LINGO2: variants seen among roughly 807,000 people sequenced by gnomAD.
LINGO2 encodes the protein leucine rich repeat and Ig domain containing 2, also known as leucine-rich repeat and immunoglobulin-like domain-containing nogo receptor-interacting protein 2.
Under a neutral mutation model 30.6 loss-of-function variants are expected in LINGO2, and 14 were observed. The observed-to-expected ratio is 0.46, with a 90% confidence interval of 0.30 to 0.72. LINGO2 has a LOEUF of 0.72. Ranked by LOEUF, LINGO2 falls within the 30% of genes least tolerant of loss-of-function variation. The pLI is 0.07. For missense variants in LINGO2, 729 were observed against 751.7 expected (o/e 0.97, Z 0.35); for synonymous variants, 317 against 288.5 (o/e 1.10, Z -1.00).
intron 1 of LINGO2, among the ~76,000 whole-genome samples, chr9:28,506,721 C>T (rs1474855881): frequency 6.6e-6 from 1 of 151,038 alleles, no homozygotes; most frequent in Non-Finnish European, 1.5e-5. Flanking sequence ...CAGAAAATGT[C>T]TTTGCTCACA....
the LINGO2 span, among the ~76,000 whole-genome samples, chr9:28,708,885 C>G: frequency 0.14 from 21,222 of 151,970 alleles, 1,729 homozygotes; most frequent in Admixed American, 0.27. Context: ...TGACCCTAGA[C>G]CTGATCTATA....
intron 4 of LINGO2, among the ~76,000 whole-genome samples, chr9:28,256,058 A>G (rs1822373595): frequency 6.6e-6 from 1 of 152,046 alleles, no homozygotes; most frequent in African/African-American, 2.4e-5. Flanking sequence ...CAGATCTTTG[A>G]TTAGATTCTC....
At chr9:28,714,188 T>TATATATATATATATATATATATAA in the LINGO2 span, among the ~76,000 whole-genome samples, 1 of 73,366 alleles carries the variant, frequency 1.4e-5, no homozygotes, top group Non-Finnish European at 2.5e-5. Flanking sequence ...TATATATATA[T>TATATATATATATATATATATATAA]ACACACATAC....
chr9:28,390,574 GA>G (rs74180802), intron 2 of LINGO2, among the ~76,000 whole-genome samples: 37 of 145,160 alleles, frequency 2.5e-4, no homozygotes, highest in Admixed American at 1.0e-3. Context: ...ATACATAAAT[GA>G]AAAAAAAAAA....
chr9:28,097,390 G>A (rs959232916), intron 4 of LINGO2, among the ~76,000 whole-genome samples: 1 of 148,952 alleles, frequency 6.7e-6, no homozygotes, highest in Non-Finnish European at 1.5e-5. Context: ...GCACACGTAT[G>A]TTTATTGCGG....
chr9:28,095,951 G>A lies in LINGO2; in HGVS notation c.-86-83546C>T, dbSNP rs530527444. On this transcript the variant is annotated intron_variant, in intron 4 of 5. Coordinates refer to ENST00000379992, the Ensembl canonical transcript of LINGO2. ...AGACATTTATTCAAGATCAGCCTGGGCAACATAATGAGATCCCATCTCTAC... is the reference window on the plus strand; with the variant it reads ...AGACATTTATTCAAGATCAGCCTGGACAACATAATGAGATCCCATCTCTAC... Among the ~76,000 whole-genome samples the A allele has an allele frequency of 2.0e-5, 3 of 152,184 alleles. No individual in the cohort carries two copies. In the East Asian group the frequency reaches 5.8e-4, roughly 30 times the overall value.
chr9:28,992,900 C>A, the LINGO2 span, among the ~76,000 whole-genome samples: 8 of 151,806 alleles, frequency 5.3e-5, no homozygotes, highest in Non-Finnish European at 1.0e-4. Context: ...TAAATGCCCA[C>A]AAGAGTAAGC....
At chr9:29,093,426 T>C in the LINGO2 span, among the ~76,000 whole-genome samples, 1 of 134,128 alleles carries the variant, frequency 7.5e-6, no homozygotes, top group Non-Finnish European at 1.6e-5. Context: ...AAGATATATA[T>C]AACATTTGTA....
At chr9:28,120,987 A>AT (rs1213595790) in intron 4 of LINGO2, among the ~76,000 whole-genome samples, 3 of 152,214 alleles carry the variant, frequency 2.0e-5, no homozygotes, top group African/African-American at 7.2e-5. Context: ...CATCTGTTAC[A>AT]TATTGATTTA....
At chr9:28,792,786 G>T in the LINGO2 span, among the ~76,000 whole-genome samples, 1 of 152,048 alleles carries the variant, frequency 6.6e-6, no homozygotes, top group Non-Finnish European at 1.5e-5. Context: ...GATTTTGAGT[G>T]GCAGAAAACA....
At chr9:28,949,078 T>A in the LINGO2 span, among the ~76,000 whole-genome samples, 1 of 152,102 alleles carries the variant, frequency 6.6e-6, no homozygotes, top group Non-Finnish European at 1.5e-5. Context: ...TGTTTTTAAG[T>A]TGTTGTCTCG....
At chr9:28,825,123 C>G in the LINGO2 span, among the ~76,000 whole-genome samples, 1 of 152,054 alleles carries the variant, frequency 6.6e-6, no homozygotes, top group Non-Finnish European at 1.5e-5. Context: ...ATGCCTGATT[C>G]ATTGCAAGCA....
intron 4 of LINGO2, among the ~76,000 whole-genome samples, chr9:28,186,576 G>A (rs567113760): frequency 6.6e-6 from 1 of 152,198 alleles, no homozygotes; most frequent in African/African-American, 2.4e-5. Flanking sequence ...AAGTGAGTAG[G>A]GAGTGTTGGA....
the LINGO2 span, among the ~76,000 whole-genome samples, chr9:28,900,243 T>A: frequency 6.6e-6 from 1 of 152,012 alleles, no homozygotes; most frequent in Non-Finnish European, 1.5e-5. Flanking sequence ...CAGGCTCCAG[T>A]GGCCCCAGGG....
At chr9:29,106,448 T>C in the LINGO2 span, among the ~76,000 whole-genome samples, 2 of 152,160 alleles carry the variant, frequency 1.3e-5, no homozygotes, top group East Asian at 1.9e-4. Flanking sequence ...TTTTCTCCCA[T>C]AGCATAAGGC....
At chr9:27,940,689 A>C in the LINGO2 span, 1 of 152,246 alleles carries the variant, frequency 6.6e-6, no homozygotes, top group African/African-American at 2.4e-5. Context: ...TATGCTCATG[A>C]CTGAGAAAAA....
upstream of LINGO2, among the ~76,000 whole-genome samples, chr9:28,672,141 C>T (rs1829043071): frequency 1.3e-5 from 2 of 152,014 alleles, no homozygotes; most frequent in African/African-American, 4.8e-5. Context: ...GGGAAACAGA[C>T]TTAGAAAGAA....
At chr9:28,580,322 A>G (rs1264675978) in intron 1 of LINGO2, among the ~76,000 whole-genome samples, 1 of 152,066 alleles carries the variant, frequency 6.6e-6, no homozygotes, top group Non-Finnish European at 1.5e-5. Flanking sequence ...TCCAGCAGAT[A>G]ACACATCAAC....
chr9:28,098,139 T>G (rs576886392), intron 4 of LINGO2, among the ~76,000 whole-genome samples: 1 of 152,114 alleles, frequency 6.6e-6, no homozygotes, highest in Admixed American at 6.5e-5. Context: ...ACTCCATGTC[T>G]ACTGAAAATA....
Sources: allele counts gnomAD v4.1 joint callset (sites outside exome capture counted in the v4.1 genomes callset), GRCh38; gene constraint gnomAD v4.1.1; transcripts MANE v1.5; gene names NCBI Gene and HGNC (gene_info 2026-07-23, HGNC 2026-07-21).